The following CFAP46 variants were observed in gnomAD, a reference collection of about 807,000 sequenced individuals.
The protein encoded by CFAP46 is cilia and flagella associated protein 46.
In CFAP46, 245 loss-of-function variants were observed where a neutral mutation model predicts 325.7. The ratio of observed to expected loss-of-function variants is 0.75; its 90% CI spans 0.68 to 0.84. The LOEUF (loss-of-function observed/expected upper bound fraction) is 0.84, where lower values mean the gene tolerates loss of function less well. Ranked by LOEUF, CFAP46 falls within the 40% of genes least tolerant of loss-of-function variation. The pLI is 0.00. For missense variants in CFAP46, 3,346 were observed against 3,543.0 expected, an observed-to-expected ratio of 0.94 and a Z score of 1.41; for synonymous variants, 1,523 against 1,495.9, an observed-to-expected ratio of 1.02 and a Z score of -0.42.
intron 44 of CFAP46, among the ~76,000 whole-genome samples, chr10:132,837,729 A>C (rs1848283879): frequency 7.9e-6 from 1 of 126,904 alleles, no homozygotes; most frequent in Non-Finnish European, 1.8e-5. Flanking sequence ...GGACACACAC[A>C]TGCACACGTA....
intron 13 of CFAP46, 50 bp from the exon 14 acceptor site, chr10:132,920,232 G>A (rs765017678): frequency 1.7e-5 from 25 of 1,483,324 alleles, no homozygotes; most frequent in South Asian, 9.4e-5. Flanking sequence ...GCCAAGGGCC[G>A]GGGACGTGCC....
chr10:132,819,113 ACTAT>A (rs767845227), intron 50 of CFAP46, among the ~76,000 whole-genome samples: 1 of 152,226 alleles, frequency 6.6e-6, no homozygotes, highest in Non-Finnish European at 1.5e-5. Flanking sequence ...ATTACAATGA[ACTAT>A]CTAATTAAGA....
intron 43 of CFAP46, 110 bp downstream of exon 43, chr10:132,846,822 C>T (rs543322382): frequency 1.3e-5 from 17 of 1,353,846 alleles, no homozygotes; most frequent in South Asian, 4.6e-5. Context: ...CCCTGGCCTG[C>T]GGCCTGCTTC....
rs772993401 is a variant in CFAP46, at chr10:132,810,963, C to T, written c.7570G>A (p.Val2524Met). The change falls in exon 56 of 58, where the codon GTG becomes ATG. Residue 2524 changes from valine (V) to methionine (M), a missense_variant. Coordinates refer to ENST00000368586, the MANE Select transcript of CFAP46 (RefSeq NM_001200049.3). The part of the protein sequence containing the change: ...YQSLKRHMES[V>M]EHRRSVGRWE... Reference sequence around the variant, plus strand: ...GCAGCCAGGCACCTCCTGTGCTCCACGCTCTCCATGTGCCTCTTCAAGCTC... The same window carrying T: ...GCAGCCAGGCACCTCCTGTGCTCCATGCTCTCCATGTGCCTCTTCAAGCTC... The T allele has an allele frequency of 1.4e-5, 23 of 1,603,130 alleles. No homozygotes were observed. Among genetic ancestry groups the T allele is most frequent in the Middle Eastern group, 1.7e-4 (1 of 6,054 alleles).
chr10:132,834,124 C>CT lies in CFAP46; in HGVS notation c.6867-2dup. Reference sequence around the variant, plus strand: ...GGCAACAACCGCAGGTGTCTGCACTCTGAAAGTCAGGTTATATATTCGGGT... The same window carrying CT: ...GGCAACAACCGCAGGTGTCTGCACTCTTGAAAGTCAGGTTATATATTCGGGT... On this transcript the variant is annotated splice_acceptor_variant, in intron 48 of 57. Transcript: ENST00000368586. LOFTEE classifies it high-confidence loss of function. The CT allele has an allele frequency of 1.9e-6, 3 of 1,613,930 alleles. No homozygotes were observed. The highest frequency in any genetic ancestry group is 2.5e-6 in the Non-Finnish European group (3 of 1,179,894).
chr10:132,936,117 G>T (rs1849999696), intron 7 of CFAP46, among the ~76,000 whole-genome samples: 1 of 81,688 alleles, frequency 1.2e-5, no homozygotes, highest in Admixed American at 1.4e-4. Flanking sequence ...ACTCCCCTCG[G>T]CACCCAAACA....
At chr10:132,822,895 T>TGC (rs1847907214) in intron 50 of CFAP46, among the ~76,000 whole-genome samples, 1 of 143,930 alleles carries the variant, frequency 6.9e-6, no homozygotes, top group East Asian at 2.2e-4. Context: ...CGCTGATGTG[T>TGC]GCTGATGTGT....
Position 132,847,265 on chromosome 10 carries a change from A to G in CFAP46, c.6009T>C (p.Gly2003=), listed in dbSNP as rs1396531666. 2 of 1,613,256 alleles carry G rather than the reference A, an allele frequency of 1.2e-6. No individual in the cohort carries two copies. Among genetic ancestry groups the G allele is most frequent in the Admixed American group, 1.7e-5 (1 of 59,992 alleles). ...KSLELEVEEE[G]ATKSSRDPPA... ...GCGGGTCCCTGCTGGACTTTGTGGC[A>G]CCCTCTTCCTCTACCTCCAGCTCCA... Residue 2003 remains glycine (G), a synonymous_variant, in exon 42 of 58, where the codon GGT becomes GGC. Transcript: ENST00000368586. This position sits in a 1 kb window ranked among gnomAD's most constrained non-coding sequence, Gnocchi z 5.2.
intron 10 of CFAP46, among the ~76,000 whole-genome samples, chr10:132,925,981 C>T (rs184135075): frequency 6.2e-4 from 95 of 152,346 alleles, no homozygotes; most frequent in African/African-American, 2.2e-3. Context: ...TGCAGGCCAC[C>T]ATCCTGTGAG....
At chr10:132,824,354 C>CGCTGAGGTGTGCTGTGTGAGT (rs1847982920) in intron 50 of CFAP46, among the ~76,000 whole-genome samples, 1 of 77,970 alleles carries the variant, frequency 1.3e-5, no homozygotes, top group African/African-American at 5.2e-5. Flanking sequence ...GCTGTGTGAG[C>CGCTGAGGTGTGCTGTGTGAGT]GCTGATGTGT....
At chr10:132,851,429 T>C in intron 39 of CFAP46, 124 bp from the exon 40 acceptor site, 1 of 878,082 alleles carries the variant, frequency 1.1e-6, no homozygotes, top group East Asian at 2.7e-5. Flanking sequence ...AGATCTACAG[T>C]GGAAAACTGA....
intron 44 of CFAP46, 104 bp downstream of exon 44, chr10:132,845,953 G>C: frequency 7.9e-7 from 1 of 1,268,764 alleles, no homozygotes; most frequent in South Asian, 1.5e-5. Flanking sequence ...GAGCTGGGGG[G>C]TGAGCAAGGC....
At chr10:132,859,857 C>T (rs1848698843) in intron 37 of CFAP46, among the ~76,000 whole-genome samples, 1 of 152,210 alleles carries the variant, frequency 6.6e-6, no homozygotes, top group Non-Finnish European at 1.5e-5. Flanking sequence ...GACGGCGTTG[C>T]CATCCTGGCC....
chr10:132,825,837 T>C (rs1473091076), intron 50 of CFAP46, among the ~76,000 whole-genome samples: 2 of 151,844 alleles, frequency 1.3e-5, no homozygotes, highest in African/African-American at 4.8e-5. Context: ...CACAAACAGC[T>C]GGTTGGTGAA....
At chr10:132,823,049 GTGTGC>G (rs1303796329) in intron 50 of CFAP46, among the ~76,000 whole-genome samples, 5 of 145,530 alleles carry the variant, frequency 3.4e-5, no homozygotes, top group African/African-American at 5.1e-5. Flanking sequence ...GATGTGTGCT[GTGTGC>G]TGTGAGTGCT....
Position 132,910,056 on chromosome 10 carries a change from C to A in CFAP46, c.2512G>T (p.Ala838Ser), listed in dbSNP as rs1279351323. The change falls in exon 20 of 58, where the codon GCC becomes TCC. Residue 838 changes from alanine (A) to serine (S), a missense_variant. Coordinates refer to ENST00000368586, the MANE Select transcript of CFAP46 (RefSeq NM_001200049.3). Reference protein sequence around the residue: ...IKTAVEVCEFALNLTNGSAPE... With the variant: ...IKTAVEVCEFSLNLTNGSAPE... ...GCACTCCCATTGGTCAGGTTCAGGGCAAACTCGCAGACCTAGGACAGACGT... is the reference window on the plus strand; with the variant it reads ...GCACTCCCATTGGTCAGGTTCAGGGAAAACTCGCAGACCTAGGACAGACGT... 3 of 1,502,842 alleles carry A rather than the reference C, an allele frequency of 2.0e-6. No individual in the cohort carries two copies. The highest frequency in any genetic ancestry group is 1.3e-5 in the South Asian group (1 of 77,142). The allele number at this position is 1,502,842 out of a possible 1,614,324, so 93.1% of individuals were successfully genotyped here. A position where few individuals can be genotyped will look rare whatever the true frequency, so the allele number is the denominator to read the frequency against.
chr10:132,840,975 C>CAAGTCTCAAGAGGACTCAAGTCAAG (rs1848337547), intron 44 of CFAP46, among the ~76,000 whole-genome samples: 2 of 152,162 alleles, frequency 1.3e-5, no homozygotes, highest in African/African-American at 4.8e-5. Flanking sequence ...CAAGTCTCTC[C>CAAGTCTCAAGAGGACTCAAGTCAAG]TCCTCTTCCT....
At chr10:132,835,506 C>T in intron 46 of CFAP46, 72 bp from the exon 47 acceptor site, 2 of 1,577,750 alleles carry the variant, frequency 1.3e-6, no homozygotes, top group Non-Finnish European at 1.7e-6. Flanking sequence ...GCATGGTGAG[C>T]ACTGGGAAAA....
intron 24 of CFAP46, among the ~76,000 whole-genome samples, chr10:132,893,095 C>A (rs960551229): frequency 2.0e-5 from 3 of 152,232 alleles, no homozygotes; most frequent in South Asian, 4.1e-4. Context: ...AGCACGCACA[C>A]TGAGAGGCAA....
Sources: allele counts gnomAD v4.1 joint callset (sites outside exome capture counted in the v4.1 genomes callset), GRCh38; gene constraint gnomAD v4.1.1; non-coding constraint Gnocchi (gnomAD v3.1); transcripts MANE v1.5; gene names NCBI Gene and HGNC (gene_info 2026-07-23, HGNC 2026-07-21).